Variants in MMUT observed in about 807,000 individuals in gnomAD.
MMUT encodes methylmalonyl-CoA mutase.
In MMUT, 79 loss-of-function variants were observed where a neutral mutation model predicts 79.9. That is an observed-to-expected ratio of 0.99 (90% CI 0.82 to 1.19). The LOEUF (loss-of-function observed/expected upper bound fraction) is 1.19, where lower values mean the gene tolerates loss of function less well. MMUT is among the 50% of genes most tolerant of loss of function. The pLI is 0.00. For synonymous variants in MMUT, 273 were observed against 295.7 expected (o/e 0.92, Z 0.79); for missense variants, 860 against 917.2 (o/e 0.94, Z 0.81).
intron 3 of MMUT, among the ~76,000 whole-genome samples, chr6:49,457,005 G>A (rs1232984470): frequency 6.6e-6 from 1 of 152,180 alleles, no homozygotes; most frequent in Non-Finnish European, 1.5e-5. Flanking sequence ...GCTACACAAT[G>A]CTTGCTAGAG....
chr6:49,444,713 A>T lies in MMUT; in HGVS notation c.1602T>A (p.Leu534=), dbSNP rs1284477086. 2.5e-6 allele frequency: 4 copies of T among 1,613,512 alleles called. No individual in the cohort carries two copies. The South Asian group carries it at 4.4e-5, about 18-fold the overall frequency. The change falls in exon 9 of 13, where the codon CTT becomes CTA. Residue 534 remains leucine, a synonymous_variant. Coordinates refer to ENST00000274813, the MANE Select transcript of MMUT (RefSeq NM_000255.4). ...SRDQALAERC[L]AALTECAASG... is the part of the protein sequence containing the mutation. ...TAGCAGCACATTCGGTTAGTGCAGC[A>T]AGACAACGTTCAGCCAAAGCTTGAT...
chr6:49,448,752 T>C, intron 7 of MMUT, 64 bp downstream of exon 7: 1 of 1,366,934 alleles, frequency 7.3e-7, no homozygotes, highest in South Asian at 1.2e-5. Flanking sequence ...CATGTTATCT[T>C]CAAACAGAAA....
chr6:49,453,878 T>C, intron 4 of MMUT, 122 bp from the exon 5 acceptor site: 1 of 854,316 alleles, frequency 1.2e-6, no homozygotes, highest in Non-Finnish European at 1.9e-6. Flanking sequence ...AGAACTTAAT[T>C]TGAATTAAGA....
intron 7 of MMUT, 105 bp downstream of exon 7, chr6:49,448,711 A>AT: frequency 1.0e-6 from 1 of 972,562 alleles, no homozygotes; most frequent in Non-Finnish European, 1.6e-6. Flanking sequence ...CCCAAGTTCC[A>AT]TTTTTCATTA....
chr6:49,449,142 C>CA (rs1251084523), intron 6 of MMUT, among the ~76,000 whole-genome samples: 5 of 151,744 alleles, frequency 3.3e-5, no homozygotes, highest in Non-Finnish European at 2.9e-5. Context: ...AAGTATATTC[C>CA]AAAAAACACA....
intron 12 of MMUT, among the ~76,000 whole-genome samples, chr6:49,432,495 C>T (rs992301922): frequency 2.0e-5 from 3 of 152,208 alleles, no homozygotes; most frequent in East Asian, 3.9e-4. Context: ...TCACGCCATT[C>T]TCCTGCCTCA....
At chr6:49,443,031 TAA>T (rs1183801590) in intron 9 of MMUT, among the ~76,000 whole-genome samples, 1 of 152,154 alleles carries the variant, frequency 6.6e-6, no homozygotes, top group South Asian at 2.1e-4. Context: ...CATATTTTTT[TAA>T]AACTTCATTA....
intron 11 of MMUT, among the ~76,000 whole-genome samples, chr6:49,437,075 CA>C (rs1195087046): frequency 6.6e-6 from 1 of 152,018 alleles, no homozygotes; most frequent in Non-Finnish European, 1.5e-5. Context: ...AAAAAACAAA[CA>C]AAAAATAATA....
chr6:49,462,750 C>G (rs1424392724), intron 1 of MMUT, among the ~76,000 whole-genome samples: 1 of 152,154 alleles, frequency 6.6e-6, no homozygotes, highest in Admixed American at 6.5e-5. Context: ...AGCCATGAAG[C>G]AGGCGCATCC....
chr6:49,455,321 A>C (rs1365924513), intron 4 of MMUT, among the ~76,000 whole-genome samples: 1 of 152,146 alleles, frequency 6.6e-6, no homozygotes, highest in East Asian at 1.9e-4. Context: ...AAGGCAAATA[A>C]AGCTCTAACA....
intron 1 of MMUT, among the ~76,000 whole-genome samples, 200 bp downstream of exon 1, chr6:49,462,903 C>T (rs1009862302): frequency 6.6e-6 from 1 of 152,116 alleles, no homozygotes; most frequent in Non-Finnish European, 1.5e-5. Context: ...GGGACTTCGC[C>T]CAAAACTAGA....
At position 49,431,052 on chromosome 6, in the gene MMUT, C is replaced by G. The variant is rs1581814679; in HGVS notation, c.*676G>C. On this transcript the variant is annotated 3_prime_UTR_variant, in exon 13 of 13. Transcript: ENST00000274813. ...AAGCACTTTTATTTAAAGGAATGTT[C>G]ATCAACATCCACTCTCCTTGGTCTT... The G allele has an allele frequency of 6.6e-6, 1 of 152,204 alleles. No individual in the cohort carries two copies. The highest frequency in any genetic ancestry group is 2.4e-5 in the African/African-American group (1 of 41,428). The allele number at this position is 152,204 out of a possible 1,614,324, so 9.4% of individuals were successfully genotyped here. A position where few individuals can be genotyped will look rare whatever the true frequency, so the allele number is the denominator to read the frequency against.
At chr6:49,437,238 A>T (rs1282857660) in intron 11 of MMUT, among the ~76,000 whole-genome samples, 1 of 151,962 alleles carries the variant, frequency 6.6e-6, no homozygotes, top group African/African-American at 2.4e-5. Flanking sequence ...TTTTCATCAA[A>T]TTTTCTGAAA....
intron 2 of MMUT, among the ~76,000 whole-genome samples, chr6:49,458,459 T>C (rs1474381455): frequency 6.6e-6 from 1 of 152,234 alleles, no homozygotes; most frequent in African/African-American, 2.4e-5. Context: ...TTTTATCTAA[T>C]ATGGTCACAA....
chr6:49,462,901 G>A (rs190435831), intron 1 of MMUT, among the ~76,000 whole-genome samples: 2 of 152,270 alleles, frequency 1.3e-5, no homozygotes, highest in East Asian at 1.9e-4. Context: ...CAGGGACTTC[G>A]CCCAAAACTA....
chr6:49,437,003 C>G (rs775071469), intron 11 of MMUT, among the ~76,000 whole-genome samples: 6 of 150,870 alleles, frequency 4.0e-5, no homozygotes, highest in Non-Finnish European at 8.9e-5. Context: ...CTAGGCTTAA[C>G]AACACAAGTT....
At position 49,449,225 on chromosome 6, in the gene MMUT, T is replaced by G. The variant is rs546575897; in HGVS notation, c.1333-298A>C. On this transcript the variant is annotated intron_variant, in intron 6 of 12. Coordinates refer to ENST00000274813, the MANE Select transcript of MMUT (RefSeq NM_000255.4). ...ATCTTTATTTTTAGGTACATAAAGT[T>G]TTCATAATTACATAAAGTCTGTAAG... Among the ~76,000 whole-genome samples, 43 of 152,202 alleles carry G rather than the reference T, an allele frequency of 2.8e-4. 1 individual carries two copies. The highest frequency in any genetic ancestry group is 5.3e-4 in the Non-Finnish European group (36 of 67,994).
At chr6:49,431,994 A>G in intron 12 of MMUT, 138 bp from the exon 13 acceptor site, 1 of 972,356 alleles carries the variant, frequency 1.0e-6, no homozygotes, top group African/African-American at 1.6e-5. Flanking sequence ...GGGCTAAAAA[A>G]TTCTTCCTTG....
chr6:49,450,740 A>G (rs1222915449), intron 6 of MMUT, among the ~76,000 whole-genome samples: 1 of 152,206 alleles, frequency 6.6e-6, no homozygotes, highest in African/African-American at 2.4e-5. Flanking sequence ...CACCATTTTT[A>G]GCAGGTTTCT....
Sources: allele counts gnomAD v4.1 joint callset (sites outside exome capture counted in the v4.1 genomes callset), GRCh38; gene constraint gnomAD v4.1.1; transcripts MANE v1.5; gene names NCBI Gene and HGNC (gene_info 2026-07-23, HGNC 2026-07-21).